The following GALNT17 variants were observed in gnomAD, a reference collection of about 807,000 sequenced individuals.
GALNT17 encodes UDP-GalNAc:polypeptide N-acetylgalactosaminyltransferase-like 3.
In GALNT17, 29 loss-of-function variants were observed where a neutral mutation model predicts 63.7. The observed-to-expected ratio is 0.46, with a 90% confidence interval of 0.34 to 0.62. The LOEUF is 0.62. GALNT17 is among the 20% of genes least tolerant of loss of function. The pLI, the probability that GALNT17 is intolerant of heterozygous loss-of-function variation, is 0.01. For synonymous variants in GALNT17, 305 were observed against 318.3 expected, an observed-to-expected ratio of 0.96 and a Z score of 0.45; for missense variants, 603 against 799.6, an observed-to-expected ratio of 0.75 and a Z score of 2.97.
At chr7:71,376,778 C>T (rs1178361969) in intron 2 of GALNT17, among the ~76,000 whole-genome samples, 2 of 151,418 alleles carry the variant, frequency 1.3e-5, no homozygotes, top group South Asian at 4.2e-4. Flanking sequence ...TTAGCAATGC[C>T]CCATCTCTGA....
chr7:71,370,524 A>G (rs988860421), intron 2 of GALNT17, among the ~76,000 whole-genome samples: 2 of 152,090 alleles, frequency 1.3e-5, no homozygotes, highest in Non-Finnish European at 2.9e-5. Context: ...TCCATCTGTC[A>G]CCCAGGCTGG....
chr7:71,346,422 G>T (rs200600483), intron 2 of GALNT17, among the ~76,000 whole-genome samples: 1 of 151,732 alleles, frequency 6.6e-6, no homozygotes, highest in African/African-American at 2.4e-5. Context: ...TGTTTTTGTC[G>T]CTGTATGGCA....
intron 5 of GALNT17, among the ~76,000 whole-genome samples, chr7:71,483,356 G>C (rs1787855352): frequency 6.6e-6 from 1 of 152,030 alleles, no homozygotes; most frequent in African/African-American, 2.4e-5. Context: ...TGTAATCCCA[G>C]CTACTCTGGA....
intron 5 of GALNT17, among the ~76,000 whole-genome samples, chr7:71,491,441 AG>A (rs34410004): frequency 1.3e-5 from 2 of 152,174 alleles, no homozygotes; most frequent in Non-Finnish European, 1.5e-5. Flanking sequence ...CCATCATGGC[AG>A]GGAAGCACAC....
intron 1 of GALNT17, among the ~76,000 whole-genome samples, chr7:71,134,615 C>T (rs1787747216): frequency 6.6e-6 from 1 of 152,096 alleles, no homozygotes; most frequent in Non-Finnish European, 1.5e-5. Context: ...GGAAGTTATG[C>T]AGAAGCTCTT....
chr7:71,284,683 A>C (rs187676335), intron 1 of GALNT17: 2 of 152,214 alleles, frequency 1.3e-5, no homozygotes, highest in African/African-American at 4.8e-5. Flanking sequence ...AGTCTTGACT[A>C]TGTCTTTAGT....
At chr7:71,383,336 C>T (rs773589486) in intron 2 of GALNT17, among the ~76,000 whole-genome samples, 3 of 152,194 alleles carry the variant, frequency 2.0e-5, no homozygotes, top group Admixed American at 6.5e-5. Flanking sequence ...ACATAAACTA[C>T]GCACATCCTC....
chr7:71,571,355 C>T lies in GALNT17; in HGVS notation c.1033C>T (p.Pro345Ser), dbSNP rs751577191. 1 of 1,614,092 alleles carries T rather than the reference C, an allele frequency of 6.2e-7. No homozygotes were observed. The highest frequency in any genetic ancestry group is 8.5e-7 in the Non-Finnish European group (1 of 1,179,982). ...KFFGEIGLLD[P>S]GMDVYGGENI... ...CTTCGGTGAAATTGGTCTTCTGGAT[C>T]CTGGCATGGATGTATACGGAGGAGA... Residue 345 changes from proline (P) to serine (S), a missense_variant, in exon 6 of 11, where the codon CCT becomes TCT. By Grantham distance (74) the Pro-to-Ser change is moderately conservative. This residue lies in a region of GALNT17 where 336 missense variants were observed against 507.8 expected (regional missense o/e 0.66). Coordinates refer to ENST00000333538, the MANE Select transcript of GALNT17 (RefSeq NM_022479.3).
intron 5 of GALNT17, among the ~76,000 whole-genome samples, chr7:71,568,717 T>C (rs1219813668): frequency 6.6e-6 from 1 of 152,152 alleles, no homozygotes; most frequent in African/African-American, 2.4e-5. Context: ...GAATTTATTA[T>C]GTAAGGGTGA....
At chr7:71,427,034 C>T (rs958648698) in intron 5 of GALNT17, among the ~76,000 whole-genome samples, 13 of 151,712 alleles carry the variant, frequency 8.6e-5, no homozygotes, top group Middle Eastern at 3.2e-3. Flanking sequence ...TTAGATTTAC[C>T]GTTTATTGAA....
At chr7:71,673,076 A>T (rs1480764972) in intron 8 of GALNT17, among the ~76,000 whole-genome samples, 1 of 152,186 alleles carries the variant, frequency 6.6e-6, no homozygotes, top group African/African-American at 2.4e-5. Flanking sequence ...CCTTAGTAAT[A>T]TGAAAAAAAT....
At chr7:71,460,407 A>G (rs1042045863) in intron 5 of GALNT17, among the ~76,000 whole-genome samples, 4 of 152,186 alleles carry the variant, frequency 2.6e-5, no homozygotes, top group African/African-American at 7.2e-5. Flanking sequence ...AAAACACTAC[A>G]AGCAGGGCAG....
At chr7:71,610,514 C>A (rs954886843) in intron 6 of GALNT17, among the ~76,000 whole-genome samples, 1 of 151,976 alleles carries the variant, frequency 6.6e-6, no homozygotes, top group Admixed American at 6.6e-5. Flanking sequence ...TCCCTAAATA[C>A]AGCATTCTGG....
chr7:71,256,191 G>A (rs184347006), intron 1 of GALNT17, among the ~76,000 whole-genome samples: 18 of 152,242 alleles, frequency 1.2e-4, no homozygotes, highest in African/African-American at 3.9e-4. Flanking sequence ...GCAAGCCCCC[G>A]CTTTCAGCTG....
chr7:71,353,886 T>C (rs2707433), intron 2 of GALNT17, among the ~76,000 whole-genome samples: 101,335 of 151,990 alleles, frequency 0.67, 34,410 homozygotes, highest in East Asian at 0.96. Flanking sequence ...ACTCATGGTG[T>C]CACAGGCTAT....
chr7:71,174,673 T>C (rs1788604144), intron 1 of GALNT17, among the ~76,000 whole-genome samples: 1 of 151,994 alleles, frequency 6.6e-6, no homozygotes, highest in African/African-American at 2.4e-5. Flanking sequence ...GTGGGGAGAA[T>C]TACAAAGAAC....
intron 9 of GALNT17, among the ~76,000 whole-genome samples, chr7:71,704,028 C>T (rs544515935): frequency 9.2e-5 from 14 of 152,200 alleles, no homozygotes; most frequent in African/African-American, 3.4e-4. Context: ...TCACATGAGG[C>T]AAATGAAAAG....
rs114477197 is a variant in GALNT17, at chr7:71,701,096, A to G, written c.1501-9665A>G. The stretch of plus-strand genomic sequence containing the variant: ...AAAATAGATGGTTTAATAGAAGATG[A>G]TAGGTGTTTGCAGAGAAGTAAAGCA... On this transcript the variant is annotated intron_variant, in intron 9 of 10. Transcript: ENST00000333538. Among the ~76,000 whole-genome samples the G allele has an allele frequency of 9.9e-3, 1,503 of 152,282 alleles. 31 individuals are homozygous for G. The highest frequency in any genetic ancestry group is 0.038 in the Admixed American group (587 of 15,284).
intron 1 of GALNT17, among the ~76,000 whole-genome samples, chr7:71,313,544 A>G (rs1791446558): frequency 6.6e-6 from 1 of 152,242 alleles, no homozygotes; most frequent in African/African-American, 2.4e-5. Flanking sequence ...TCTTTAGGAA[A>G]GAATAATTAT....
Sources: gnomAD v4.1 joint callset for allele counts (sites outside exome capture counted in the v4.1 genomes callset) on GRCh38, gnomAD v4.1.1 for gene constraint, gnomAD v4.1.1 regional missense constraint, MANE v1.5 for transcripts, NCBI Gene and HGNC (gene_info 2026-07-23, HGNC 2026-07-21) for gene names.